The following TMEM109 variants were observed in gnomAD, a reference collection of about 807,000 sequenced individuals.
TMEM109 encodes the protein voltage-gated monoatomic cation channel TMEM109.
In TMEM109, 19 loss-of-function variants were observed where a neutral mutation model predicts 26.4. The observed-to-expected ratio is 0.72, with a 90% confidence interval of 0.50 to 1.06. TMEM109 has a LOEUF of 1.06. Among genes scored for constraint, TMEM109 ranks in the 50% least tolerant of loss-of-function variants. TMEM109 has a pLI of 0.00. For synonymous variants in TMEM109, 129 were observed against 142.0 expected, an observed-to-expected ratio of 0.91 and a Z score of 0.65; for missense variants, 262 against 303.4, an observed-to-expected ratio of 0.86 and a Z score of 1.01.
At position 60,920,977 on chromosome 11, in the gene TMEM109, T is replaced by C; in HGVS notation, c.329T>C (p.Leu110Ser). Residue 110 changes from leucine (L) to serine (S), a missense_variant, in exon 3 of 4, where the codon TTG becomes TCG. By Grantham distance (145) the Leu-to-Ser change is moderately radical. Transcript: ENST00000227525. ...ATCGCCGCACAGCTGCTGAATGCCT[T>C]GGGACTAGCTGGTGAGTGTTCGAGT... is the stretch of plus-strand genomic sequence containing the variant. ...SGIAAQLLNA[L>S]GLAGDYLAQG... 1 of 1,614,096 alleles carries C rather than the reference T, an allele frequency of 6.2e-7. No individual in the cohort carries two copies. The highest frequency in any genetic ancestry group is 1.3e-5 in the African/African-American group (1 of 75,030).
intron 1 of TMEM109, among the ~76,000 whole-genome samples, chr11:60,916,956 G>A (rs1856180952): frequency 6.6e-6 from 1 of 152,210 alleles, no homozygotes; most frequent in African/African-American, 2.4e-5. Context: ...TTATGACCCA[G>A]ATAGCTCAGG....
chr11:60,923,162 G>T lies in TMEM109; in HGVS notation c.*997G>T, dbSNP rs1055441048. On this transcript the variant is annotated 3_prime_UTR_variant, in exon 4 of 4. Coordinates refer to ENST00000227525, the MANE Select transcript of TMEM109 (RefSeq NM_024092.3). The stretch of plus-strand genomic sequence containing the variant: ...CAGGCAGCTCCTTTCCCTTCACGTG[G>T]TCTGCAGAGAGCAGGGTGAGCTGCC... 3.9e-5 allele frequency: 6 copies of T among 152,732 alleles called. No individual in the cohort carries two copies. Among genetic ancestry groups the T allele is most frequent in the African/African-American group, 1.4e-4 (6 of 41,566 alleles). 9.5% of individuals were successfully genotyped at this position (152,732 alleles called of 1,614,324 possible).
intron 2 of TMEM109, among the ~76,000 whole-genome samples, chr11:60,920,187 T>TAAAG (rs1856220730): frequency 6.6e-6 from 1 of 152,232 alleles, no homozygotes; most frequent in Non-Finnish European, 1.5e-5. Context: ...GAGCCATCTT[T>TAAAG]ATAAGCCCAT....
chr11:60,920,100 G>C (rs4939478), intron 2 of TMEM109, among the ~76,000 whole-genome samples, 170 bp downstream of exon 2: 51,185 of 152,094 alleles, frequency 0.34, 9,367 homozygotes, highest in Middle Eastern at 0.41. Flanking sequence ...TTATTTGATT[G>C]CTGTCCTAGG....
Position 60,921,921 on chromosome 11 carries a change from T to C in TMEM109, c.488T>C (p.Leu163Pro). 1 of 1,614,180 alleles carries C rather than the reference T, an allele frequency of 6.2e-7. No homozygotes were observed. The highest frequency in any genetic ancestry group is 8.5e-7 in the Non-Finnish European group (1 of 1,180,032). Reference sequence around the variant, plus strand: ...TTGCTGGGGCGGATCCTGTGGGGCCTGAAGCTTGTCATCTTCCTGGCCGGC... The same window carrying C: ...TTGCTGGGGCGGATCCTGTGGGGCCCGAAGCTTGTCATCTTCCTGGCCGGC... ...LALLGRILWG[L>P]KLVIFLAGFV... The change falls in exon 4 of 4, where the codon CTG (leucine) becomes CCG (proline). Residue 163 changes from leucine (L) to proline (P), a missense_variant. By Grantham distance (98) the Leu-to-Pro change is moderately conservative. Transcript: ENST00000227525.
rs1304327558 is a variant in TMEM109, at chr11:60,922,191, G to A, written c.*26G>A. Reference sequence around the variant, plus strand: ...GCCGGATGCCCCACACACCGCCAGTGTCATACCAAAGAGCTGAGCTGCTTC... The same window carrying A: ...GCCGGATGCCCCACACACCGCCAGTATCATACCAAAGAGCTGAGCTGCTTC... On this transcript the variant is annotated 3_prime_UTR_variant, in exon 4 of 4. Coordinates refer to ENST00000227525, the MANE Select transcript of TMEM109 (RefSeq NM_024092.3). 1.3e-5 allele frequency: 20 copies of A among 1,560,164 alleles called. No individual in the cohort carries two copies. In the East Asian group the frequency reaches 4.6e-4, roughly 36 times the overall value.
intron 1 of TMEM109, chr11:60,918,791 G>C (rs1262022236): frequency 6.6e-6 from 1 of 152,170 alleles, no homozygotes; most frequent in Non-Finnish European, 1.5e-5. Context: ...CTCCATTGGG[G>C]GTGGGGAGGT....
chr11:60,916,205 C>T (rs1459862415), intron 1 of TMEM109, among the ~76,000 whole-genome samples: 2 of 152,186 alleles, frequency 1.3e-5, no homozygotes, highest in Non-Finnish European at 2.9e-5. Context: ...CTCTCTAAGC[C>T]ATACTTTTCT....
chr11:60,919,198 A>G (rs1247021328), intron 1 of TMEM109: 4 of 174,686 alleles, frequency 2.3e-5, no homozygotes, highest in African/African-American at 9.4e-5. Context: ...GTTTGAGCAC[A>G]TAACTGAGCA....
intron 2 of TMEM109, among the ~76,000 whole-genome samples, chr11:60,920,375 C>A (rs1173694690): frequency 6.6e-6 from 1 of 152,210 alleles, no homozygotes; most frequent in Non-Finnish European, 1.5e-5. Flanking sequence ...GTATCACATA[C>A]TTTTGATAGG....
rs1345768925 is a variant in TMEM109 at position 60,922,827 on chromosome 11, C to CCTG, written c.*667_*669dup. ...CCGAGCCAGCAGGGCCTTCTGCTTG[C>CCTG]CTGCTGCCATACTGTATGTAGGAAA... On this transcript the variant is annotated 3_prime_UTR_variant, in exon 4 of 4. Coordinates refer to ENST00000227525, the MANE Select transcript of TMEM109 (RefSeq NM_024092.3). 6.1e-6 allele frequency: 1 copy of CCTG among 164,946 alleles called. No homozygotes were observed. Among genetic ancestry groups the CCTG allele is most frequent in the East Asian group, 1.7e-4 (1 of 5,994 alleles). The allele number at this position is 164,946 out of a possible 1,614,324, so 10.2% of individuals were successfully genotyped here.
intron 1 of TMEM109, among the ~76,000 whole-genome samples, chr11:60,917,429 G>A (rs112061330): frequency 0.011 from 1,625 of 152,244 alleles, 30 homozygotes; most frequent in African/African-American, 0.037. Context: ...ATTTGCTGGC[G>A]CTGTCTGACA....
chr11:60,920,961 C>T lies in TMEM109; in HGVS notation c.313C>T (p.Gln105Ter). 6.2e-7 allele frequency: 1 copy of T among 1,614,166 alleles called. No homozygotes were observed. The highest frequency in any genetic ancestry group is 8.5e-7 in the Non-Finnish European group (1 of 1,180,002). The change falls in exon 3 of 4, where the codon CAG becomes TAG. Residue 105 changes from glutamine to a stop codon, truncating the protein, a stop_gained. Coordinates refer to ENST00000227525, the MANE Select transcript of TMEM109 (RefSeq NM_024092.3). LOFTEE classifies it high-confidence loss of function. ...AFFALSGIAA[Q>*]LLNALGLAGD... is the part of the protein sequence containing the mutation. ...CTTTGCTCTGTCTGGGATCGCCGCACAGCTGCTGAATGCCTTGGGACTAGC... is the reference window on the plus strand; with the variant it reads ...CTTTGCTCTGTCTGGGATCGCCGCATAGCTGCTGAATGCCTTGGGACTAGC...
In TMEM109 at chr11:60,919,340, T is replaced by C. The variant is rs906006724; in HGVS notation, c.-8-346T>C. Among the ~76,000 whole-genome samples, 5 of 152,354 alleles carry C rather than the reference T, an allele frequency of 3.3e-5. No homozygotes were observed. In the South Asian group the frequency reaches 8.3e-4, roughly 25 times the overall value. The stretch of plus-strand genomic sequence containing the variant: ...GCCTTTATAGAGTCTTATAATACTT[T>C]TATGCCTATAGCACCTAAGATACAG... On this transcript the variant is annotated intron_variant, in intron 1 of 3. Coordinates refer to ENST00000227525, the MANE Select transcript of TMEM109 (RefSeq NM_024092.3).
chr11:60,916,489 C>T (rs893957695), intron 1 of TMEM109, among the ~76,000 whole-genome samples: 1 of 152,134 alleles, frequency 6.6e-6, no homozygotes, highest in Non-Finnish European at 1.5e-5. Context: ...TTTAGTAAAA[C>T]TATTTGATTA....
At chr11:60,915,529 T>G (rs1352409292) in intron 1 of TMEM109, among the ~76,000 whole-genome samples, 1 of 152,228 alleles carries the variant, frequency 6.6e-6, no homozygotes, top group Admixed American at 6.5e-5. Context: ...TGAGTAGCCC[T>G]GGGTGGGGCA....
intron 3 of TMEM109, 145 bp from the exon 4 acceptor site, chr11:60,921,629 A>AT: frequency 1.5e-6 from 1 of 673,408 alleles, no homozygotes; most frequent in Non-Finnish European, 2.6e-6. Context: ...CAGAGCTGAG[A>AT]TTCCAACCCA....
intron 1 of TMEM109, among the ~76,000 whole-genome samples, chr11:60,916,495 G>C (rs1436115482): frequency 1.3e-5 from 2 of 152,150 alleles, no homozygotes; most frequent in African/African-American, 4.8e-5. Context: ...AAAACTATTT[G>C]ATTAGGCCAA....
intron 1 of TMEM109, among the ~76,000 whole-genome samples, chr11:60,915,756 G>A (rs985389733): frequency 1.3e-5 from 2 of 152,176 alleles, no homozygotes; most frequent in African/African-American, 4.8e-5. Flanking sequence ...GGGAGGGGGG[G>A]GCGCGAAATG....
Sources: allele counts gnomAD v4.1 joint callset (sites outside exome capture counted in the v4.1 genomes callset), GRCh38; gene constraint gnomAD v4.1.1; transcripts MANE v1.5; gene names NCBI Gene and HGNC (gene_info 2026-07-23, HGNC 2026-07-21).